CEP63: variants seen among roughly 807,000 people sequenced by gnomAD.
CEP63 encodes the protein centrosomal protein of 63 kDa.
CEP63 carries 84 observed loss-of-function variants against 89.1 expected under a neutral mutation model. The ratio of observed to expected loss-of-function variants is 0.94; its 90% CI spans 0.79 to 1.13. The LOEUF (loss-of-function observed/expected upper bound fraction) is 1.13, where lower values mean the gene tolerates loss of function less well. Among genes scored for constraint, CEP63 ranks in the 50% most tolerant of loss-of-function variants. The pLI is 0.00. For missense variants in CEP63, 838 were observed against 813.3 expected, an observed-to-expected ratio of 1.03 and a Z score of -0.37; for synonymous variants, 267 against 272.5, an observed-to-expected ratio of 0.98 and a Z score of 0.20.
chr3:134,681,907 G>A, the CEP63 span, among the ~76,000 whole-genome samples: 520 of 152,324 alleles, frequency 3.4e-3, no homozygotes, highest in Non-Finnish European at 5.5e-3. Context: ...AAGTCAACCA[G>A]CTAACAAACA....
downstream of CEP63, among the ~76,000 whole-genome samples, chr3:134,565,299 G>T (rs187357944): frequency 1.3e-5 from 2 of 152,144 alleles, no homozygotes; most frequent in African/African-American, 4.8e-5. Context: ...CTCAACAAGT[G>T]TAGAAAAAAT....
chr3:134,488,530 A>C (rs1174325717), intron 1 of CEP63, among the ~76,000 whole-genome samples: 1 of 151,898 alleles, frequency 6.6e-6, no homozygotes, highest in Non-Finnish European at 1.5e-5. Flanking sequence ...AATCACGTGA[A>C]TCCGGGAGGC....
the CEP63 span, among the ~76,000 whole-genome samples, chr3:134,621,024 A>G: frequency 6.6e-6 from 1 of 152,008 alleles, no homozygotes; most frequent in African/African-American, 2.4e-5. Flanking sequence ...GAGGTGGGGG[A>G]AGTTGGACAG....
the CEP63 span, among the ~76,000 whole-genome samples, chr3:134,736,682 C>T: frequency 1.3e-5 from 2 of 152,114 alleles, no homozygotes; most frequent in Non-Finnish European, 1.5e-5. Context: ...TGGAATGATA[C>T]ATCACATTCA....
At chr3:134,505,930 G>T (rs1360788168) in intron 2 of CEP63, among the ~76,000 whole-genome samples, 1 of 152,206 alleles carries the variant, frequency 6.6e-6, no homozygotes, top group Non-Finnish European at 1.5e-5. Flanking sequence ...AGAAGCAAAA[G>T]TGTTGAGCAA....
chr3:134,600,042 T>A, the CEP63 span, among the ~76,000 whole-genome samples: 1 of 152,200 alleles, frequency 6.6e-6, no homozygotes, highest in Non-Finnish European at 1.5e-5. Flanking sequence ...AGTAATCACC[T>A]CTTTCAATTG....
At chr3:134,744,563 G>A in the CEP63 span, among the ~76,000 whole-genome samples, 1 of 152,188 alleles carries the variant, frequency 6.6e-6, no homozygotes, top group Non-Finnish European at 1.5e-5. Context: ...TTATCAGGCT[G>A]GAGTGCAGTG....
downstream of CEP63, among the ~76,000 whole-genome samples, chr3:134,569,170 A>G (rs1385103904): frequency 6.6e-6 from 1 of 152,228 alleles, no homozygotes; most frequent in Non-Finnish European, 1.5e-5. Context: ...GGCCCCAGCC[A>G]AACCACATCA....
chr3:134,718,726 C>T, the CEP63 span, among the ~76,000 whole-genome samples: 1 of 152,218 alleles, frequency 6.6e-6, no homozygotes, highest in Non-Finnish European at 1.5e-5. Context: ...TTCTTCTAGA[C>T]AAACCATGGC....
At chr3:134,610,579 C>T in the CEP63 span, 4 of 569,586 alleles carry the variant, frequency 7.0e-6, no homozygotes, top group African/African-American at 7.5e-5. Flanking sequence ...AGATACAGTG[C>T]TGGCTGGTCC....
the CEP63 span, among the ~76,000 whole-genome samples, chr3:134,595,040 C>T: frequency 6.6e-6 from 1 of 152,156 alleles, no homozygotes; most frequent in Non-Finnish European, 1.5e-5. Context: ...TAATGGGAAG[C>T]CAGTGCTCCC....
chr3:134,748,188 T>C, the CEP63 span, among the ~76,000 whole-genome samples: 2 of 152,174 alleles, frequency 1.3e-5, no homozygotes, highest in Non-Finnish European at 2.9e-5. Context: ...TCCCATTCCT[T>C]ACAGCAATAG....
chr3:134,504,659 G>A (rs1018977618), intron 2 of CEP63, among the ~76,000 whole-genome samples: 5 of 151,806 alleles, frequency 3.3e-5, no homozygotes, highest in Admixed American at 1.3e-4. Flanking sequence ...TGCAAGAATT[G>A]GGAAGTTTTC....
At chr3:134,694,213 G>A in the CEP63 span, among the ~76,000 whole-genome samples, 1 of 152,194 alleles carries the variant, frequency 6.6e-6, no homozygotes, top group Non-Finnish European at 1.5e-5. Flanking sequence ...CCTGCAGACA[G>A]GCAGGTGTAG....
Position 134,532,768 on chromosome 3 carries a change from GT to G in CEP63, c.319-7del. 1 of 1,593,122 alleles carries G rather than the reference GT, an allele frequency of 6.3e-7. No homozygotes were observed. The highest frequency in any genetic ancestry group is 8.6e-7 in the Non-Finnish European group (1 of 1,162,908). ...TTAAACTTTAAATATAGAAATAACT[GT>G]TTCTACAGTTATGCATACTGAAGAG... On this transcript the variant is annotated splice_polypyrimidine_tract_variant and intron_variant, in intron 4 of 14. Coordinates refer to ENST00000675561, the MANE Select transcript of CEP63 (RefSeq NM_001353108.3).
At chr3:134,499,820 C>CTT (rs747946881) in intron 2 of CEP63, among the ~76,000 whole-genome samples, 46,627 of 99,106 alleles carry the variant, frequency 0.47, 12,076 homozygotes, top group East Asian at 0.73. Flanking sequence ...CCATCTTCAT[C>CTT]TTTTTTTTTT....
chr3:134,525,712 A>T (rs934745809), intron 3 of CEP63, among the ~76,000 whole-genome samples: 1 of 152,186 alleles, frequency 6.6e-6, no homozygotes, highest in Admixed American at 6.5e-5. Context: ...GTTTGGCCAG[A>T]TAATGAAATT....
At chr3:134,615,030 A>T in the CEP63 span, among the ~76,000 whole-genome samples, 5 of 152,214 alleles carry the variant, frequency 3.3e-5, no homozygotes, top group Admixed American at 1.3e-4. Context: ...GGACAAACAA[A>T]CCATGACTTA....
At chr3:134,647,444 CA>C in the CEP63 span, 1 of 1,609,456 alleles carries the variant, frequency 6.2e-7, no homozygotes, top group African/African-American at 1.3e-5. Flanking sequence ...CCGTGAAAGT[CA>C]TTTCCTTCTA....
Sources: gnomAD v4.1 joint callset for allele counts (sites outside exome capture counted in the v4.1 genomes callset) on GRCh38, gnomAD v4.1.1 for gene constraint, MANE v1.5 for transcripts, NCBI Gene and HGNC (gene_info 2026-07-23, HGNC 2026-07-21) for gene names.